Variants in TRPM3 observed in about 807,000 individuals in gnomAD.
The protein encoded by TRPM3 is transient receptor potential cation channel subfamily M member 3.
A neutral mutation model predicts 181.2 loss-of-function variants in TRPM3; 77 were observed. The observed-to-expected ratio is 0.42, with a 90% CI of 0.35 to 0.51. TRPM3 has a LOEUF of 0.51. TRPM3 is among the 20% of genes least tolerant of loss of function. TRPM3 has a pLI of 0.01. For synonymous variants in TRPM3, 745 were observed against 796.4 expected (o/e 0.94, Z 1.09); for missense variants, 1,759 against 2,196.7 (o/e 0.80, Z 3.98).
At chr9:71,059,313 G>A (rs1052962233) in intron 1 of TRPM3, among the ~76,000 whole-genome samples, 1 of 151,668 alleles carries the variant, frequency 6.6e-6, no homozygotes, top group African/African-American at 2.4e-5. Context: ...TAGTATATAT[G>A]CCCAATGCAA....
At chr9:71,205,549 A>G (rs558322659) in intron 1 of TRPM3, among the ~76,000 whole-genome samples, 206 of 152,298 alleles carry the variant, frequency 1.4e-3, no homozygotes, top group African/African-American at 4.6e-3. Flanking sequence ...CTTTTTGAAT[A>G]CAAGTATGTG....
chr9:71,069,137 T>C (rs2062346743), intron 1 of TRPM3, among the ~76,000 whole-genome samples: 1 of 152,202 alleles, frequency 6.6e-6, no homozygotes, highest in South Asian at 2.1e-4. Flanking sequence ...TATGTACTCA[T>C]ATTGAAAGCT....
intron 1 of TRPM3, among the ~76,000 whole-genome samples, chr9:70,934,736 A>T (rs2096809017): frequency 6.6e-6 from 1 of 152,168 alleles, no homozygotes; most frequent in Non-Finnish European, 1.5e-5. Flanking sequence ...CTAAAAGTTG[A>T]ATATCTTTGT....
At chr9:70,813,042 G>A (rs2092293848) in intron 6 of TRPM3, among the ~76,000 whole-genome samples, 2 of 152,186 alleles carry the variant, frequency 1.3e-5, no homozygotes, top group African/African-American at 4.8e-5. Flanking sequence ...TAGAGTTCAG[G>A]TTCAGATAAA....
At chr9:70,797,779 C>T (rs903894761) in intron 6 of TRPM3, among the ~76,000 whole-genome samples, 2 of 152,176 alleles carry the variant, frequency 1.3e-5, no homozygotes, top group African/African-American at 4.8e-5. Flanking sequence ...TCTGCTTCTT[C>T]TTGGCATCTG....
intron 1 of TRPM3, among the ~76,000 whole-genome samples, chr9:71,341,186 C>A (rs2090937825): frequency 6.6e-6 from 1 of 152,030 alleles, no homozygotes; most frequent in African/African-American, 2.4e-5. Flanking sequence ...CAGTGGGACA[C>A]CACAGTAAAA....
intron 22 of TRPM3, among the ~76,000 whole-genome samples, chr9:70,561,014 T>C (rs2048915056): frequency 1.3e-5 from 2 of 152,194 alleles, no homozygotes; most frequent in South Asian, 2.1e-4. Context: ...ATCAGAGTCA[T>C]CCTTAAAAAT....
At chr9:71,347,349 G>A (rs1407048237) in intron 1 of TRPM3, among the ~76,000 whole-genome samples, 1 of 152,136 alleles carries the variant, frequency 6.6e-6, no homozygotes, top group Non-Finnish European at 1.5e-5. Context: ...CCCCCGCAAA[G>A]AGTTGAGGTT....
At chr9:70,868,203 T>A (rs2095695855) in intron 1 of TRPM3, among the ~76,000 whole-genome samples, 1 of 152,048 alleles carries the variant, frequency 6.6e-6, no homozygotes, top group Admixed American at 6.6e-5. Flanking sequence ...ACTGAGTTTG[T>A]GAAGGGCTGG....
intron 9 of TRPM3, among the ~76,000 whole-genome samples, chr9:70,680,312 G>A (rs988166789): frequency 6.6e-6 from 1 of 152,132 alleles, no homozygotes; most frequent in African/African-American, 2.4e-5. Context: ...AATAAATAAC[G>A]TTTACAGTAT....
At chr9:70,910,793 T>G (rs1392278717) in intron 1 of TRPM3, among the ~76,000 whole-genome samples, 1 of 152,202 alleles carries the variant, frequency 6.6e-6, no homozygotes, top group East Asian at 1.9e-4. Context: ...TCATCCTGCT[T>G]TAATTACCCT....
intron 1 of TRPM3, among the ~76,000 whole-genome samples, chr9:71,308,422 T>A (rs1472850084): frequency 3.9e-5 from 6 of 152,200 alleles, no homozygotes; most frequent in African/African-American, 1.4e-4. Flanking sequence ...AATTTAAACA[T>A]CAATTTGTGA....
chr9:71,000,088 T>C (rs2097583555), intron 1 of TRPM3, among the ~76,000 whole-genome samples: 1 of 152,142 alleles, frequency 6.6e-6, no homozygotes, highest in South Asian at 2.1e-4. Flanking sequence ...AATTGTGACT[T>C]CTCTGAGGGA....
At chr9:71,438,256 C>G (rs539756582) in intron 1 of TRPM3, among the ~76,000 whole-genome samples, 4 of 152,318 alleles carry the variant, frequency 2.6e-5, no homozygotes, top group Non-Finnish European at 5.9e-5. Context: ...GTGTCCACTA[C>G]AGTTGGATTC....
intron 5 of TRPM3, among the ~76,000 whole-genome samples, chr9:70,829,223 T>C (rs751716605): frequency 2.0e-5 from 3 of 152,186 alleles, no homozygotes; most frequent in Non-Finnish European, 4.4e-5. Flanking sequence ...TATATAAAGC[T>C]GTAGTAAGAT....
At chr9:71,352,476 TG>T (rs2091696797) in intron 1 of TRPM3, among the ~76,000 whole-genome samples, 1 of 151,954 alleles carries the variant, frequency 6.6e-6, no homozygotes, top group South Asian at 2.1e-4. Context: ...AGTTACTTAC[TG>T]AAAAAAAAAT....
intron 3 of TRPM3, among the ~76,000 whole-genome samples, chr9:70,858,118 C>T (rs2225844): frequency 1 from 151,620 of 152,296 alleles, 75,474 homozygotes; most frequent in East Asian, 1. Flanking sequence ...CCAGACCACA[C>T]TGGCAACACA....
intron 9 of TRPM3, among the ~76,000 whole-genome samples, chr9:70,652,811 A>G (rs573821824): frequency 2.0e-5 from 3 of 152,264 alleles, no homozygotes; most frequent in South Asian, 2.1e-4. Context: ...GGGTTAGGAG[A>G]CAATTTGGAA....
intron 1 of TRPM3, among the ~76,000 whole-genome samples, chr9:71,267,478 G>T (rs2083466235): frequency 6.6e-6 from 1 of 151,906 alleles, no homozygotes; most frequent in Non-Finnish European, 1.5e-5. Context: ...TAAATAAATG[G>T]GTGCTATTTC....
Sources: gnomAD v4.1 joint callset for allele counts (sites outside exome capture counted in the v4.1 genomes callset) on GRCh38, gnomAD v4.1.1 for gene constraint, MANE v1.5 for transcripts, NCBI Gene and HGNC (gene_info 2026-07-23, HGNC 2026-07-21) for gene names.